Variants in CHD8 observed in about 807,000 individuals in gnomAD.
CHD8 encodes ATP-dependent chromatin remodeler CHD8.
Under a neutral mutation model 279.2 loss-of-function variants are expected in CHD8, and 31 were observed. The ratio of observed to expected loss-of-function variants is 0.11; its 90% CI spans 0.08 to 0.15. The LOEUF (loss-of-function observed/expected upper bound fraction) is 0.15, where lower values mean the gene tolerates loss of function less well. CHD8 is among the 10% of genes least tolerant of loss of function. CHD8 has a pLI of 1.00. For missense variants in CHD8, 2,146 were observed against 3,230.5 expected, an observed-to-expected ratio of 0.66 and a Z score of 8.14; for synonymous variants, 1,081 against 1,139.6, an observed-to-expected ratio of 0.95 and a Z score of 1.04.
intron 2 of CHD8, chr14:21,430,343 T>C (rs1281334754): frequency 6.3e-6 from 1 of 158,656 alleles, no homozygotes; most frequent in African/African-American, 2.4e-5. Flanking sequence ...CTGAGCAAAG[T>C]AGGAGGGGGA....
rs1027721772 is a variant in CHD8 at position 21,433,220 on chromosome 14, A to G, written c.-215-1362T>C. On this transcript the variant is annotated intron_variant, in intron 1 of 37. Transcript: ENST00000646647. ...CACAGAAACTAAATGGTATCCTTTG[A>G]TTCTAACATGAGATGGTAAAAAGCT... 1.5e-4 allele frequency among the ~76,000 whole-genome samples: 23 copies of G among 152,232 alleles called. 2 individuals are homozygous for G. Among genetic ancestry groups the G allele is most frequent in the Admixed American group, 1.3e-3 (20 of 15,286 alleles).
chr14:21,386,755 T>C (rs553067145), intron 37 of CHD8, among the ~76,000 whole-genome samples: 28 of 150,568 alleles, frequency 1.9e-4, no homozygotes, highest in African/African-American at 6.8e-4. Flanking sequence ...AGGAGAATGG[T>C]GTGAACCCGG....
intron 21 of CHD8, 64 bp from the exon 22 acceptor site, chr14:21,401,135 CA>C: frequency 8.4e-7 from 1 of 1,197,182 alleles, no homozygotes. Flanking sequence ...AAGAATAAGA[CA>C]ATTAGGGATT....
At chr14:21,423,417 A>G (rs1425365466) in intron 5 of CHD8, among the ~76,000 whole-genome samples, 1 of 152,084 alleles carries the variant, frequency 6.6e-6, no homozygotes, top group Non-Finnish European at 1.5e-5. Context: ...TCTCTCAATG[A>G]CATTAATCCA....
In CHD8 at chr14:21,406,303, A is replaced by T. The variant is rs756678941; in HGVS notation, c.2908-439T>A. On this transcript the variant is annotated intron_variant, in intron 14 of 37. Coordinates refer to ENST00000646647, the MANE Select transcript of CHD8 (RefSeq NM_001170629.2). ...TTGCCTTATTACTTGCAAGAACAAG[A>T]ATGTAGCAAAAGTGACACTGTGTGA... 3.5e-4 allele frequency among the ~76,000 whole-genome samples: 53 copies of T among 152,208 alleles called. 1 individual carries two copies. Among genetic ancestry groups the T allele is most frequent in the Non-Finnish European group, 7.1e-4 (48 of 68,032 alleles).
At chr14:21,387,837 G>A (rs538739933) in intron 37 of CHD8, among the ~76,000 whole-genome samples, 4 of 145,970 alleles carry the variant, frequency 2.7e-5, no homozygotes, top group South Asian at 4.4e-4. Flanking sequence ...AAAGAATTCT[G>A]TACTAGTCAT....
intron 1 of CHD8, among the ~76,000 whole-genome samples, chr14:21,455,398 T>C (rs1166043473): frequency 6.6e-6 from 1 of 152,168 alleles, no homozygotes; most frequent in African/African-American, 2.4e-5. Flanking sequence ...CGAGTTTACA[T>C]AATGCAACGG....
intron 1 of CHD8, among the ~76,000 whole-genome samples, chr14:21,442,530 T>G (rs908189670): frequency 1.3e-5 from 2 of 151,136 alleles, no homozygotes; most frequent in African/African-American, 2.4e-5. Flanking sequence ...TCTCAGCTAC[T>G]TGGGAGGCTA....
intron 30 of CHD8, 74 bp from the exon 31 acceptor site, chr14:21,394,559 T>A (rs1467446423): frequency 2.3e-6 from 2 of 886,854 alleles, no homozygotes; most frequent in Admixed American, 3.2e-5. Context: ...GGTTATTTTT[T>A]AATGTGTTTT....
rs1271932427 is a variant in CHD8 at position 21,430,852 on chromosome 14, G to A, written c.792C>T (p.Ala264=). 1 of 1,599,392 alleles carries A rather than the reference G, an allele frequency of 6.3e-7. No individual in the cohort carries two copies. Among genetic ancestry groups the A allele is most frequent in the Admixed American group, 1.7e-5 (1 of 59,992 alleles). ...KGSAPAGNPG[A]TGPPLKPAVT... is the part of the protein sequence containing the mutation. ...CTGCAGGCTTCAGTGGGGGCCCTGT[G>A]GCCCCAGGGTTTCCAGCAGGAGCTG... The change falls in exon 2 of 38, where the codon GCC becomes GCT. Residue 264 remains alanine (A), a synonymous_variant. Coordinates refer to ENST00000646647, the MANE Select transcript of CHD8 (RefSeq NM_001170629.2).
At chr14:21,401,172 G>GCTGTAA in intron 21 of CHD8, 101 bp from the exon 22 acceptor site, 10 of 952,398 alleles carry the variant, frequency 1.0e-5, no homozygotes, top group South Asian at 1.8e-5. Context: ...GTAACGTGTA[G>GCTGTAA]ATACTCAGAG....
Position 21,392,782 on chromosome 14 carries a change from G to T in CHD8, c.6496C>A (p.Leu2166Ile), listed in dbSNP as rs773908554. The change falls in exon 34 of 38, where the codon CTC becomes ATC. Residue 2166 changes from leucine (L) to isoleucine (I), a missense_variant. Leu to Ile is a conservative substitution (Grantham distance 5). Transcript: ENST00000646647. The stretch of plus-strand genomic sequence containing the variant: ...CCTGAGAGTACAGCCTGGCAGACGA[G>T]GTCAATACGGTTTATCAGGACACGA... ...KDRVLINRIDLVCQAVLSGKW... is the reference protein window; with the variant it reads ...KDRVLINRIDIVCQAVLSGKW... 5.0e-6 allele frequency: 8 copies of T among 1,613,866 alleles called. No individual in the cohort carries two copies. The highest frequency in any genetic ancestry group is 6.8e-6 in the Non-Finnish European group (8 of 1,179,852).
At chr14:21,392,054 G>C (rs1380219542) in intron 34 of CHD8, 108 bp from the exon 35 acceptor site, 5 of 833,340 alleles carry the variant, frequency 6.0e-6, no homozygotes, top group Admixed American at 3.5e-5. Flanking sequence ...GCCCAATGAT[G>C]GTGAGAAGGA....
At chr14:21,444,664 C>T (rs550449160) in intron 1 of CHD8, among the ~76,000 whole-genome samples, 4 of 152,198 alleles carry the variant, frequency 2.6e-5, no homozygotes, top group African/African-American at 9.6e-5. Context: ...CAGGACACCA[C>T]ACTTTTCAAG....
At chr14:21,448,992 G>T (rs1890193604) in intron 1 of CHD8, among the ~76,000 whole-genome samples, 1 of 151,674 alleles carries the variant, frequency 6.6e-6, no homozygotes, top group Non-Finnish European at 1.5e-5. Flanking sequence ...GGCTAACAAG[G>T]TGAAACCCCA....
chr14:21,392,853 C>T (rs1221307550), intron 33 of CHD8, 44 bp from the exon 34 acceptor site: 1 of 1,578,708 alleles, frequency 6.3e-7, no homozygotes, highest in East Asian at 2.2e-5. Flanking sequence ...AGTCTGAGTA[C>T]TAGCTGTGTG....
intron 1 of CHD8, chr14:21,437,005 G>T: frequency 7.8e-7 from 1 of 1,281,244 alleles, no homozygotes; most frequent in Non-Finnish European, 1.0e-6. Context: ...ATGCACTTGA[G>T]GTAAGGAGCT....
chr14:21,405,103 A>G lies in CHD8; in HGVS notation c.3307+106T>C. The G allele has an allele frequency of 8.9e-7, 1 of 1,122,806 alleles. No homozygotes were observed. The highest frequency in any genetic ancestry group is 1.5e-5 in the South Asian group (1 of 65,850). 69.6% of individuals were successfully genotyped at this position (1,122,806 alleles called of 1,614,324 possible). On this transcript the variant is annotated intron_variant, in intron 16 of 37. Transcript: ENST00000646647. The surrounding 1 kb of genome is among the most constrained non-coding windows in gnomAD (Gnocchi z 4.2). ...CCTCCCATTCCTCAGTCCGCACCCC[A>G]AATTAGGTTGGTTGAGTCAATGCAT...
At chr14:21,434,289 C>T (rs931904664) in intron 1 of CHD8, among the ~76,000 whole-genome samples, 43 of 152,068 alleles carry the variant, frequency 2.8e-4, no homozygotes, top group African/African-American at 8.9e-4. Flanking sequence ...AGAGGTGAGC[C>T]GTCGCCTCAG....
Sources: allele counts gnomAD v4.1 joint callset (sites outside exome capture counted in the v4.1 genomes callset), GRCh38; gene constraint gnomAD v4.1.1; non-coding constraint Gnocchi (gnomAD v3.1); transcripts MANE v1.5; gene names NCBI Gene and HGNC (gene_info 2026-07-23, HGNC 2026-07-21).